The following CYRIA variants were observed in gnomAD, a reference collection of about 807,000 sequenced individuals.
CYRIA encodes the protein CYFIP-related Rac1 interactor A.
A neutral mutation model predicts 43.9 loss-of-function variants in CYRIA; 15 were observed. The ratio of observed to expected loss-of-function variants is 0.34; its 90% confidence interval spans 0.23 to 0.53. The LOEUF (loss-of-function observed/expected upper bound fraction) is 0.53. CYRIA is among the 20% of genes least tolerant of loss of function. The pLI is 0.94. For missense variants in CYRIA, 236 were observed against 394.2 expected (o/e 0.60, Z 3.40); for synonymous variants, 117 against 136.0 (o/e 0.86, Z 0.97).
chr2:16,578,297 T>C (rs755091598), intron 3 of CYRIA, among the ~76,000 whole-genome samples: 13 of 152,174 alleles, frequency 8.5e-5, no homozygotes, highest in Non-Finnish European at 1.5e-4. Context: ...GTGCACGTAT[T>C]ATTCACATCA....
intron 2 of CYRIA, among the ~76,000 whole-genome samples, chr2:16,605,138 AC>A (rs1206381382): frequency 2.8e-5 from 4 of 143,648 alleles, no homozygotes; most frequent in East Asian, 2.0e-4. Context: ...AAAAAAAAAA[AC>A]CACGAAACCA....
chr2:16,623,058 T>C (rs1175621275), intron 2 of CYRIA: 1 of 152,208 alleles, frequency 6.6e-6, no homozygotes, highest in Non-Finnish European at 1.5e-5. Context: ...CAAAAACTAG[T>C]GCAAGAGTGA....
At chr2:16,659,064 G>A (rs1422929034) in intron 1 of CYRIA, among the ~76,000 whole-genome samples, 2 of 152,202 alleles carry the variant, frequency 1.3e-5, no homozygotes, top group African/African-American at 2.4e-5. Context: ...CCTGAAGGAC[G>A]TCAGCCAAAC....
chr2:16,642,260 A>G (rs1417209354), intron 1 of CYRIA, among the ~76,000 whole-genome samples: 1 of 152,162 alleles, frequency 6.6e-6, no homozygotes, highest in East Asian at 1.9e-4. Flanking sequence ...AGCGTGGCCC[A>G]AAACAGAACT....
intron 1 of CYRIA, among the ~76,000 whole-genome samples, chr2:16,630,782 T>A (rs1435440726): frequency 6.6e-6 from 1 of 152,168 alleles, no homozygotes; most frequent in Non-Finnish European, 1.5e-5. Flanking sequence ...CAATTGGATG[T>A]CAGACAAAGG....
intron 1 of CYRIA, among the ~76,000 whole-genome samples, chr2:16,633,418 A>T: frequency 6.7e-6 from 1 of 149,966 alleles, no homozygotes; most frequent in African/African-American, 2.5e-5. Flanking sequence ...TTATTTATTT[A>T]TTTATTTATT....
chr2:16,550,962 A>G lies in CYRIA; in HGVS notation c.*1974T>C, dbSNP rs1215884866. Reference sequence around the variant, plus strand: ...AACTTTCCTCACCTGGTATGATCACATATTCTGGCTTCCTCTAAGGTTTAG... The same window carrying G: ...AACTTTCCTCACCTGGTATGATCACGTATTCTGGCTTCCTCTAAGGTTTAG... On this transcript the variant is annotated 3_prime_UTR_variant, in exon 12 of 12. Coordinates refer to ENST00000381323, the MANE Select transcript of CYRIA (RefSeq NM_030797.4). 1 of 152,182 alleles carries G rather than the reference A, an allele frequency of 6.6e-6. No individual in the cohort carries two copies. The highest frequency in any genetic ancestry group is 6.5e-5 in the Admixed American group (1 of 15,272). 9.4% of individuals were successfully genotyped at this position (152,182 alleles called of 1,614,324 possible).
At chr2:16,573,718 C>G (rs1009675173) in intron 3 of CYRIA, among the ~76,000 whole-genome samples, 2 of 152,192 alleles carry the variant, frequency 1.3e-5, no homozygotes, top group Admixed American at 1.3e-4. Flanking sequence ...CTGCACAACT[C>G]TCTCTCTTTG....
chr2:16,609,262 G>T (rs1235776178), intron 2 of CYRIA, among the ~76,000 whole-genome samples: 1 of 152,192 alleles, frequency 6.6e-6, no homozygotes, highest in Non-Finnish European at 1.5e-5. Context: ...GGATACCGGG[G>T]ATAAAGCACA....
intron 3 of CYRIA, among the ~76,000 whole-genome samples, chr2:16,570,447 G>A (rs1332731935): frequency 6.6e-6 from 1 of 152,076 alleles, no homozygotes; most frequent in East Asian, 1.9e-4. Flanking sequence ...CTGCACTTAG[G>A]TTTACGTTTC....
intron 1 of CYRIA, among the ~76,000 whole-genome samples, chr2:16,654,236 T>G (rs946846208): frequency 1.3e-5 from 2 of 152,206 alleles, no homozygotes; most frequent in African/African-American, 4.8e-5. Context: ...TTGGTTTTGC[T>G]CTCTATAAAA....
intron 2 of CYRIA, among the ~76,000 whole-genome samples, chr2:16,601,790 AAAAT>A (rs777413079): frequency 2.1e-4 from 32 of 152,242 alleles, no homozygotes; most frequent in Non-Finnish European, 3.7e-4. Flanking sequence ...GTTTAGAAGA[AAAAT>A]AAGTTGATAG....
chr2:16,590,788 G>T (rs763055827), intron 2 of CYRIA, among the ~76,000 whole-genome samples: 1 of 152,102 alleles, frequency 6.6e-6, no homozygotes, highest in Non-Finnish European at 1.5e-5. Context: ...CAATGACTGT[G>T]GACACTGTGT....
chr2:16,638,128 C>G (rs945728687), intron 1 of CYRIA, among the ~76,000 whole-genome samples: 2 of 152,100 alleles, frequency 1.3e-5, no homozygotes, highest in Non-Finnish European at 2.9e-5. Flanking sequence ...TTAGGTAAAG[C>G]CTTTGAGGTT....
intron 2 of CYRIA, among the ~76,000 whole-genome samples, chr2:16,590,564 C>G (rs1667895762): frequency 6.6e-6 from 1 of 152,038 alleles, no homozygotes; most frequent in African/African-American, 2.4e-5. Context: ...AGAAGATATG[C>G]CAAGCCTTTG....
intron 10 of CYRIA, among the ~76,000 whole-genome samples, chr2:16,557,295 T>C (rs183151511): frequency 2.0e-5 from 3 of 152,274 alleles, no homozygotes; most frequent in Non-Finnish European, 4.4e-5. Context: ...CATCACCCTC[T>C]GTCTCTGCTC....
chr2:16,601,609 C>T (rs1558421058), intron 2 of CYRIA, among the ~76,000 whole-genome samples: 1 of 151,548 alleles, frequency 6.6e-6, no homozygotes, highest in Non-Finnish European at 1.5e-5. Context: ...GCTTTCTTGG[C>T]TCTCAGTTCA....
chr2:16,650,944 C>G lies in CYRIA; in HGVS notation c.-167+14836G>C, dbSNP rs377730268. Among the ~76,000 whole-genome samples, 25 of 152,236 alleles carry G rather than the reference C, an allele frequency of 1.6e-4. No individual in the cohort carries two copies. Among genetic ancestry groups the G allele is most frequent in the African/African-American group, 6.0e-4 (25 of 41,534 alleles). On this transcript the variant is annotated intron_variant, in intron 1 of 11. Transcript: ENST00000381323. The surrounding 1 kb of genome is among the most constrained non-coding windows in gnomAD (Gnocchi z 4.1). ...GCTTTATTATCTTCTTTCTCTCTTA[C>G]TTTCACTTTAAAAAAACATTCCATT...
chr2:16,631,082 A>AG (rs567444179), intron 1 of CYRIA, among the ~76,000 whole-genome samples: 107 of 152,316 alleles, frequency 7.0e-4, no homozygotes, highest in African/African-American at 2.5e-3. Context: ...GTCAGTCACT[A>AG]CTGTCAGATC....
Sources: gnomAD v4.1 joint callset for allele counts (sites outside exome capture counted in the v4.1 genomes callset) on GRCh38, gnomAD v4.1.1 for gene constraint, Gnocchi (gnomAD v3.1) non-coding constraint, MANE v1.5 for transcripts, NCBI Gene and HGNC (gene_info 2026-07-23, HGNC 2026-07-21) for gene names.